The following ARHGAP21 variants were observed in gnomAD, a reference collection of about 807,000 sequenced individuals.
The protein encoded by ARHGAP21 is Rho GTPase activating protein 21.
Under a neutral mutation model 164.6 loss-of-function variants are expected in ARHGAP21, and 38 were observed. That is an observed-to-expected ratio of 0.23 (90% confidence interval 0.18 to 0.30). The LOEUF (loss-of-function observed/expected upper bound fraction) is 0.30, where lower values mean the gene tolerates loss of function less well. Ranked by LOEUF, ARHGAP21 falls within the 10% of genes least tolerant of loss-of-function variation. ARHGAP21 has a pLI of 1.00. For missense variants in ARHGAP21, 1,822 were observed against 2,370.7 expected, an observed-to-expected ratio of 0.77 and a Z score of 4.81; for synonymous variants, 766 against 857.9, an observed-to-expected ratio of 0.89 and a Z score of 1.87.
In ARHGAP21 at chr10:24,601,107, A is replaced by G. The variant is rs566669760; in HGVS notation, c.2848-177T>C. On this transcript the variant is annotated intron_variant, in intron 13 of 25. Transcript: ENST00000396432. ...GAAGGATAAAAATTGTGGAGCATAA[A>G]CTGAGTTAGGCAGTGTATTCATATC... is the stretch of plus-strand genomic sequence containing the variant. Among the ~76,000 whole-genome samples, 7 of 152,344 alleles carry G rather than the reference A, an allele frequency of 4.6e-5. No individual in the cohort carries two copies. The South Asian group carries it at 1.4e-3, about 32-fold the overall frequency.
chr10:24,612,129 C>G (rs140419484), intron 9 of ARHGAP21, among the ~76,000 whole-genome samples: 1 of 152,136 alleles, frequency 6.6e-6, no homozygotes, highest in African/African-American at 2.4e-5. Flanking sequence ...TTTTATGTAA[C>G]TCAGTGAAAT....
intron 2 of ARHGAP21, among the ~76,000 whole-genome samples, chr10:24,710,446 C>G (rs2132229777): frequency 6.6e-6 from 1 of 152,260 alleles, no homozygotes; most frequent in South Asian, 2.1e-4. Flanking sequence ...GTGAGGTCAG[C>G]CTGCTATATG....
intron 17 of ARHGAP21, 61 bp downstream of exon 17, chr10:24,596,679 C>T (rs779278567): frequency 3.7e-6 from 6 of 1,607,504 alleles, no homozygotes; most frequent in South Asian, 3.3e-5. Context: ...ATACTCAGAT[C>T]CCATTATAAT....
At chr10:24,710,694 T>A (rs753798324) in intron 2 of ARHGAP21, among the ~76,000 whole-genome samples, 2 of 152,200 alleles carry the variant, frequency 1.3e-5, no homozygotes, top group Non-Finnish European at 2.9e-5. Context: ...ACAGGAAAGT[T>A]TGGCACTAGA....
intron 14 of ARHGAP21, among the ~76,000 whole-genome samples, chr10:24,599,020 G>A (rs1241927740): frequency 6.6e-6 from 1 of 152,186 alleles, no homozygotes; most frequent in Non-Finnish European, 1.5e-5. Context: ...TATGGTATGT[G>A]CTCAGTGAAT....
rs563405380 is a variant in ARHGAP21, at chr10:24,695,477, G to A, written c.64-25080C>T. Among the ~76,000 whole-genome samples, 3 of 151,900 alleles carry A rather than the reference G, an allele frequency of 2.0e-5. No homozygotes were observed. In the South Asian group the frequency reaches 6.2e-4, roughly 32 times the overall value. ...CCAGCTACTCCGGAGGCTGAGGCATGAGAATCACTTGAACCCTGGAGGCAG... is the reference window on the plus strand; with the variant it reads ...CCAGCTACTCCGGAGGCTGAGGCATAAGAATCACTTGAACCCTGGAGGCAG... On this transcript the variant is annotated intron_variant, in intron 2 of 25. Transcript: ENST00000396432.
At chr10:24,613,523 C>G (rs1407285864) in intron 9 of ARHGAP21, among the ~76,000 whole-genome samples, 1 of 152,180 alleles carries the variant, frequency 6.6e-6, no homozygotes, top group African/African-American at 2.4e-5. Context: ...TCAAAGTCAT[C>G]TGGAGATTTG....
intron 9 of ARHGAP21, among the ~76,000 whole-genome samples, chr10:24,612,593 G>T (rs936565605): frequency 1.3e-5 from 2 of 152,148 alleles, no homozygotes; most frequent in African/African-American, 2.4e-5. Context: ...GGTGGCTCAC[G>T]CCTGTAATCC....
chr10:24,698,125 T>A (rs948277000), intron 2 of ARHGAP21, among the ~76,000 whole-genome samples: 6 of 152,158 alleles, frequency 3.9e-5, no homozygotes, highest in African/African-American at 7.2e-5. Context: ...ATCTTTTAAA[T>A]TGAAAGTCAC....
In ARHGAP21 at chr10:24,636,740, C is replaced by G. The variant is rs540086065; in HGVS notation, c.269-1637G>C. On this transcript the variant is annotated intron_variant, in intron 4 of 25. Transcript: ENST00000396432. ...TCCAAAGCAATGAATGGCTAGATTT[C>G]AAAGGCAATGGGGCATAGTAGAAAT... is the stretch of plus-strand genomic sequence containing the variant. 2.2e-3 allele frequency among the ~76,000 whole-genome samples: 333 copies of G among 152,310 alleles called. No individual in the cohort carries two copies. The Middle Eastern group carries it at 0.027, about 12-fold the overall frequency.
At chr10:24,693,167 G>C (rs545938222) in intron 2 of ARHGAP21, among the ~76,000 whole-genome samples, 56 of 152,266 alleles carry the variant, frequency 3.7e-4, no homozygotes, top group African/African-American at 1.3e-3. Flanking sequence ...GACGACACAG[G>C]CGTGTTCACT....
At position 24,653,570 on chromosome 10, in the gene ARHGAP21, C is replaced by T. The variant is rs1308242447; in HGVS notation, c.268+13415G>A. Among the ~76,000 whole-genome samples, 6 of 149,758 alleles carry T rather than the reference C, an allele frequency of 4.0e-5. No homozygotes were observed. In the South Asian group the frequency reaches 1.1e-3, roughly 26 times the overall value. On this transcript the variant is annotated intron_variant, in intron 4 of 25. Coordinates refer to ENST00000396432, the MANE Select transcript of ARHGAP21 (RefSeq NM_020824.4). ...CCTGGGCGACAGAGAGAGACTCTGT[C>T]TCAAAAAAAAAAAAATTAAAAAAAA...
chr10:24,657,308 A>G (rs1343642798), intron 4 of ARHGAP21, among the ~76,000 whole-genome samples: 4 of 28,482 alleles, frequency 1.4e-4, no homozygotes, highest in Non-Finnish European at 1.8e-4. Context: ...GGGGGGGGTC[A>G]GCCCCCTCGC....
At chr10:24,594,723 T>G (rs974782206) in intron 21 of ARHGAP21, among the ~76,000 whole-genome samples, 1 of 152,222 alleles carries the variant, frequency 6.6e-6, no homozygotes, top group Non-Finnish European at 1.5e-5. Flanking sequence ...GACTTTTTCA[T>G]TTTTCTTACT....
chr10:24,598,145 C>G, intron 14 of ARHGAP21, 136 bp from the exon 15 acceptor site: 8 of 661,482 alleles, frequency 1.2e-5, no homozygotes, highest in Non-Finnish European at 2.0e-5. Context: ...GGAGCTGTTT[C>G]AAAGCTTCTA....
At chr10:24,713,617 TC>T (rs1845063644) in intron 2 of ARHGAP21, among the ~76,000 whole-genome samples, 1 of 151,652 alleles carries the variant, frequency 6.6e-6, no homozygotes. Flanking sequence ...AACATTTCCA[TC>T]ACATCAAGTT....
intron 21 of ARHGAP21, among the ~76,000 whole-genome samples, chr10:24,594,729 T>C (rs2076505588): frequency 6.6e-6 from 1 of 152,212 alleles, no homozygotes; most frequent in Non-Finnish European, 1.5e-5. Context: ...TTCATTTTTC[T>C]TACTGAATAA....
chr10:24,601,899 T>C (rs2886851), intron 13 of ARHGAP21, 79 bp downstream of exon 13: 394,841 of 1,330,274 alleles, frequency 0.3, 59,268 homozygotes, highest in Admixed American at 0.32. Flanking sequence ...TATCATGCCA[T>C]TTTATGTATA....
In ARHGAP21 at chr10:24,646,113, T is replaced by C. The variant is rs1837544496; in HGVS notation, c.269-11010A>G. On this transcript the variant is annotated intron_variant, in intron 4 of 25. Transcript: ENST00000396432. ...TGATTTAATGTGCTTGGCATTTACA[T>C]GTAAATATTTCTATTCTGTTTTTAT... 2.6e-5 allele frequency among the ~76,000 whole-genome samples: 4 copies of C among 152,266 alleles called. No homozygotes were observed. In the South Asian group the frequency reaches 8.3e-4, roughly 32 times the overall value.
Sources: allele counts gnomAD v4.1 joint callset (sites outside exome capture counted in the v4.1 genomes callset), GRCh38; gene constraint gnomAD v4.1.1; transcripts MANE v1.5; gene names NCBI Gene and HGNC (gene_info 2026-07-23, HGNC 2026-07-21).